DCDC1: variants seen among roughly 807,000 people sequenced by gnomAD.
The protein encoded by DCDC1 is doublecortin domain-containing protein 1.
Under a neutral mutation model 178.3 loss-of-function variants are expected in DCDC1, and 200 were observed. The ratio of observed to expected loss-of-function variants is 1.12; its 90% CI spans 1.00 to 1.26. The LOEUF (loss-of-function observed/expected upper bound fraction) is 1.26, where lower values mean the gene tolerates loss of function less well. DCDC1 is among the 50% of genes most tolerant of loss of function. DCDC1 has a pLI of 0.00. For synonymous variants in DCDC1, 690 were observed against 604.8 expected, an observed-to-expected ratio of 1.14 and a Z score of -2.07; for missense variants, 1,983 against 1,749.2, an observed-to-expected ratio of 1.13 and a Z score of -2.38.
At chr11:31,223,319 G>GGTAT (rs1358446240) in intron 9 of DCDC1, among the ~76,000 whole-genome samples, 5 of 152,004 alleles carry the variant, frequency 3.3e-5, no homozygotes, top group African/African-American at 9.6e-5. Context: ...AGTCACAAAG[G>GGTAT]GTATGTATGT....
intron 17 of DCDC1, among the ~76,000 whole-genome samples, chr11:31,080,696 G>C (rs1957117747): frequency 1.3e-5 from 2 of 152,098 alleles, no homozygotes; most frequent in Non-Finnish European, 2.9e-5. Context: ...TAATAAAAAA[G>C]AGTGATTGCT....
At chr11:31,243,998 T>A (rs1055123001) in intron 8 of DCDC1, among the ~76,000 whole-genome samples, 5 of 151,708 alleles carry the variant, frequency 3.3e-5, no homozygotes, top group African/African-American at 1.2e-4. Context: ...TTTGATGATC[T>A]TCTTGAAAAG....
chr11:30,954,329 C>A (rs1047105782), intron 20 of DCDC1, among the ~76,000 whole-genome samples: 3 of 151,974 alleles, frequency 2.0e-5, no homozygotes, highest in African/African-American at 7.3e-5. Context: ...TACAACAATT[C>A]TAATGAATAA....
intron 8 of DCDC1, among the ~76,000 whole-genome samples, chr11:31,264,778 T>C (rs1243919713): frequency 6.6e-6 from 1 of 152,180 alleles, no homozygotes; most frequent in African/African-American, 2.4e-5. Flanking sequence ...GGATACATAC[T>C]TTGAGGGACA....
At chr11:31,041,040 A>G (rs1310227642) in intron 20 of DCDC1, among the ~76,000 whole-genome samples, 2 of 152,218 alleles carry the variant, frequency 1.3e-5, no homozygotes, top group Non-Finnish European at 2.9e-5. Context: ...CAGCAATTAT[A>G]TATTAAGGGT....
intron 8 of DCDC1, chr11:31,263,149 T>G (rs561215227): frequency 1.4e-6 from 2 of 1,446,148 alleles, no homozygotes; most frequent in African/African-American, 2.8e-5. Context: ...ATCTTTCATC[T>G]TAACGAAGAT....
intron 25 of DCDC1, among the ~76,000 whole-genome samples, chr11:30,920,181 G>T (rs1295095591): frequency 1.3e-5 from 2 of 152,202 alleles, no homozygotes; most frequent in African/African-American, 4.8e-5. Context: ...GAGACAGTGG[G>T]CATGGGAATG....
chr11:31,165,252 T>C (rs1038645242), intron 9 of DCDC1, among the ~76,000 whole-genome samples: 6 of 152,316 alleles, frequency 3.9e-5, no homozygotes, highest in African/African-American at 1.4e-4. Context: ...CATTATAATA[T>C]GTAAGCAATT....
chr11:30,887,800 A>C (rs1232094734), intron 36 of DCDC1, among the ~76,000 whole-genome samples: 1 of 151,996 alleles, frequency 6.6e-6, no homozygotes, highest in Non-Finnish European at 1.5e-5. Flanking sequence ...ACTTGAGGTC[A>C]GGAGTCTGAG....
chr11:31,309,541 G>A (rs1332936189), intron 3 of DCDC1, among the ~76,000 whole-genome samples: 1 of 152,110 alleles, frequency 6.6e-6, no homozygotes, highest in Non-Finnish European at 1.5e-5. Flanking sequence ...CAACCTGGGG[G>A]AAGACCAGTA....
At chr11:31,089,944 A>G (rs892563254) in intron 17 of DCDC1, among the ~76,000 whole-genome samples, 1 of 152,138 alleles carries the variant, frequency 6.6e-6, no homozygotes, top group Non-Finnish European at 1.5e-5. Context: ...TCTCTTTAGT[A>G]TAACTGTGGA....
At chr11:31,010,999 G>A (rs1325061394) in intron 20 of DCDC1, among the ~76,000 whole-genome samples, 1 of 151,976 alleles carries the variant, frequency 6.6e-6, no homozygotes, top group Non-Finnish European at 1.5e-5. Context: ...GTAGATCAAT[G>A]GAAAATAATG....
intron 38 of DCDC1, among the ~76,000 whole-genome samples, chr11:30,875,842 A>G (rs1315014257): frequency 6.6e-6 from 1 of 152,202 alleles, no homozygotes; most frequent in African/African-American, 2.4e-5. Flanking sequence ...TTGAATCATT[A>G]CTAATATATC....
chr11:30,991,634 T>C (rs1950988761), intron 20 of DCDC1, among the ~76,000 whole-genome samples: 1 of 152,154 alleles, frequency 6.6e-6, no homozygotes, highest in Admixed American at 6.6e-5. Flanking sequence ...GCCTGCACAT[T>C]TGATCTCTGC....
intron 3 of DCDC1, among the ~76,000 whole-genome samples, chr11:31,319,548 C>A (rs1591749565): frequency 1.9e-5 from 1 of 52,730 alleles, no homozygotes; most frequent in Admixed American, 2.1e-4. Context: ...CTATGTGTGC[C>A]TCTGCACGTG....
chr11:31,167,127 A>T (rs1166042906), intron 9 of DCDC1, among the ~76,000 whole-genome samples: 1 of 152,142 alleles, frequency 6.6e-6, no homozygotes, highest in African/African-American at 2.4e-5. Context: ...ACTATATTTC[A>T]CTCAATTCAT....
chr11:31,222,615 T>A (rs1565459362), intron 9 of DCDC1, among the ~76,000 whole-genome samples: 1 of 152,152 alleles, frequency 6.6e-6, no homozygotes, highest in African/African-American at 2.4e-5. Context: ...GGAAATTTAT[T>A]TTCTCAGAGC....
intron 9 of DCDC1, 121 bp from the exon 10 acceptor site, chr11:31,137,905 G>A (rs986373602): frequency 3.2e-5 from 18 of 557,284 alleles, no homozygotes; most frequent in African/African-American, 7.7e-5. Flanking sequence ...TTGATGATAC[G>A]TACATGAAAA....
chr11:31,010,619 G>A (rs539280979), intron 20 of DCDC1, among the ~76,000 whole-genome samples: 1 of 152,240 alleles, frequency 6.6e-6, no homozygotes, highest in South Asian at 2.1e-4. Flanking sequence ...CACACTGAAG[G>A]GAGGGCATTA....
Sources: allele counts gnomAD v4.1 joint callset (sites outside exome capture counted in the v4.1 genomes callset), GRCh38; gene constraint gnomAD v4.1.1; transcripts MANE v1.5; gene names NCBI Gene and HGNC (gene_info 2026-07-23, HGNC 2026-07-21).